The following RAB31 variants were observed in gnomAD, a reference collection of about 807,000 sequenced individuals.
The protein encoded by RAB31 is RAB31, member RAS oncogene family, also known as ras-related protein Rab-31.
Under a neutral mutation model 25.6 loss-of-function variants are expected in RAB31, and 21 were observed. That is an observed-to-expected ratio of 0.82 (90% CI 0.58 to 1.18). The LOEUF (loss-of-function observed/expected upper bound fraction) is 1.18, where lower values mean the gene tolerates loss of function less well. Ranked by LOEUF, RAB31 falls within the 50% of genes most tolerant of loss-of-function variation. The pLI, the probability that RAB31 is intolerant of heterozygous loss-of-function variation, is 0.00. For missense variants in RAB31, 196 were observed against 250.1 expected (o/e 0.78, Z 1.46); for synonymous variants, 87 against 84.0 (o/e 1.04, Z -0.20).
intron 5 of RAB31, among the ~76,000 whole-genome samples, chr18:9,823,459 A>G (rs2068633640): frequency 1.3e-5 from 2 of 152,128 alleles, no homozygotes; most frequent in South Asian, 2.1e-4. Flanking sequence ...ATCAATGACA[A>G]TGTCCTCTTT....
intron 2 of RAB31, among the ~76,000 whole-genome samples, chr18:9,788,451 G>A (rs1227857524): frequency 1.3e-5 from 2 of 152,208 alleles, no homozygotes; most frequent in Non-Finnish European, 2.9e-5. Context: ...GGTAAATTAA[G>A]CACTGTGTAC....
chr18:9,736,207 C>T (rs1295488210), intron 1 of RAB31, among the ~76,000 whole-genome samples: 1 of 152,166 alleles, frequency 6.6e-6, no homozygotes, highest in Non-Finnish European at 1.5e-5. Flanking sequence ...CTACTTGCCT[C>T]AAGTGATCCT....
At chr18:9,710,772 C>T (rs2068012557) in intron 1 of RAB31, among the ~76,000 whole-genome samples, 1 of 152,124 alleles carries the variant, frequency 6.6e-6, no homozygotes. Context: ...GCAGGAGAAT[C>T]GCTTGAGCCT....
At chr18:9,797,188 C>T (rs2068490558) in intron 3 of RAB31, among the ~76,000 whole-genome samples, 1 of 152,174 alleles carries the variant, frequency 6.6e-6, no homozygotes, top group Non-Finnish European at 1.5e-5. Flanking sequence ...TCTTGATATA[C>T]GTGTGTATTA....
rs1196697313 is a variant in RAB31, at chr18:9,812,220, T to G, written c.202-1800T>G. On this transcript the variant is annotated intron_variant, in intron 3 of 6. Coordinates refer to ENST00000578921, the MANE Select transcript of RAB31 (RefSeq NM_006868.4). ...CGTTGGGAGTTAGGGTTTCAATACA[T>G]GGATTTTAGGGGAGACACAAACATT... 2.0e-5 allele frequency among the ~76,000 whole-genome samples: 3 copies of G among 152,172 alleles called. No homozygotes were observed. In the South Asian group the frequency reaches 6.2e-4, roughly 32 times the overall value.
chr18:9,857,686 T>TAGATGATA (rs1555693032), intron 6 of RAB31, among the ~76,000 whole-genome samples: 6,739 of 113,114 alleles, frequency 0.06, 177 homozygotes, highest in Middle Eastern at 0.08. Context: ...GATAGATAGA[T>TAGATGATA]GATAGATAGA....
chr18:9,807,256 G>A (rs2068546550), intron 3 of RAB31, among the ~76,000 whole-genome samples: 1 of 152,176 alleles, frequency 6.6e-6, no homozygotes, highest in African/African-American at 2.4e-5. Flanking sequence ...CCTCCTCAGG[G>A]CTGTGCAGCG....
chr18:9,788,455 T>G (rs1190962912), intron 2 of RAB31, among the ~76,000 whole-genome samples: 1 of 152,228 alleles, frequency 6.6e-6, no homozygotes, highest in Admixed American at 6.5e-5. Flanking sequence ...AATTAAGCAC[T>G]GTGTACATTA....
intron 5 of RAB31, among the ~76,000 whole-genome samples, chr18:9,829,934 T>A (rs1329311564): frequency 6.6e-6 from 1 of 152,056 alleles, no homozygotes; most frequent in African/African-American, 2.4e-5. Context: ...TATCTCTATG[T>A]GTTGAAACTA....
intron 3 of RAB31, among the ~76,000 whole-genome samples, chr18:9,800,102 C>T (rs182320953): frequency 8.8e-4 from 134 of 152,336 alleles, no homozygotes; most frequent in Middle Eastern, 3.4e-3. Flanking sequence ...GGTAATTTAC[C>T]TGCCCAGCTC....
intron 1 of RAB31, among the ~76,000 whole-genome samples, chr18:9,739,523 G>C (rs1270983289): frequency 1.4e-5 from 2 of 143,058 alleles, no homozygotes; most frequent in East Asian, 4.1e-4. Flanking sequence ...TGAATTTACT[G>C]CTTAGGAAGA....
At chr18:9,718,457 C>G (rs1315560503) in intron 1 of RAB31, among the ~76,000 whole-genome samples, 1 of 151,850 alleles carries the variant, frequency 6.6e-6, no homozygotes, top group Non-Finnish European at 1.5e-5. Context: ...TGGGGTTTCA[C>G]TATGTTGGTC....
rs1271333659 is a variant in RAB31 at position 9,859,316 on chromosome 18, G to A, written c.579G>A (p.Arg193=). ...AGCCAACCATGCAAGCCAGCCGCCG[G>A]TGCTGTTGACCCAAGGGCCGTGGTC... ...VEKPTMQASR[R]CC is the part of the protein sequence containing the mutation. The change falls in exon 7 of 7, where the codon CGG becomes CGA. Residue 193 remains arginine, a synonymous_variant. Transcript: ENST00000578921. The A allele has an allele frequency of 2.5e-6, 4 of 1,612,234 alleles. No homozygotes were observed. The highest frequency in any genetic ancestry group is 2.5e-6 in the Non-Finnish European group (3 of 1,178,444).
At chr18:9,754,706 G>A (rs1429389569) in intron 1 of RAB31, among the ~76,000 whole-genome samples, 1 of 152,182 alleles carries the variant, frequency 6.6e-6, no homozygotes, top group African/African-American at 2.4e-5. Flanking sequence ...ATGTGCATGG[G>A]TTATATGCAA....
At chr18:9,768,417 A>G (rs948437787) in intron 1 of RAB31, among the ~76,000 whole-genome samples, 2 of 152,150 alleles carry the variant, frequency 1.3e-5, no homozygotes, top group African/African-American at 4.8e-5. Flanking sequence ...ATGGCATTTC[A>G]TTGTGGTTTT....
chr18:9,845,493 T>C, intron 5 of RAB31, 89 bp from the exon 6 acceptor site: 5 of 1,122,130 alleles, frequency 4.5e-6, no homozygotes, highest in South Asian at 1.8e-5. Context: ...ATAAAGGAGC[T>C]GTTGCCGCAC....
In RAB31 at chr18:9,750,332, C is replaced by T. The variant is rs556908388; in HGVS notation, c.40-24946C>T. 3.0e-4 allele frequency among the ~76,000 whole-genome samples: 45 copies of T among 152,320 alleles called. 1 individual carries two copies. The highest frequency in any genetic ancestry group is 1.4e-3 in the Admixed American group (22 of 15,306). On this transcript the variant is annotated intron_variant, in intron 1 of 6. Transcript: ENST00000578921. ...CAAAACAGCAGGATACTGCTGTCTGCGTCCCGGTTGACCCTGGCGTTCTTG... is the reference window on the plus strand; with the variant it reads ...CAAAACAGCAGGATACTGCTGTCTGTGTCCCGGTTGACCCTGGCGTTCTTG...
intron 3 of RAB31, among the ~76,000 whole-genome samples, chr18:9,793,681 ACGGATAGC>A (rs1219099218): frequency 6.6e-6 from 1 of 151,472 alleles, no homozygotes; most frequent in African/African-American, 2.4e-5. Context: ...AAAAGTTGAA[ACGGATAGC>A]CAGATAGCCA....
At chr18:9,730,254 A>C (rs1337068666) in intron 1 of RAB31, among the ~76,000 whole-genome samples, 3 of 151,208 alleles carry the variant, frequency 2.0e-5, no homozygotes, top group Admixed American at 2.0e-4. Context: ...TTAGTGTCTT[A>C]GTATTTTACA....
Sources: gnomAD v4.1 joint callset for allele counts (sites outside exome capture counted in the v4.1 genomes callset) on GRCh38, gnomAD v4.1.1 for gene constraint, MANE v1.5 for transcripts, NCBI Gene and HGNC (gene_info 2026-07-23, HGNC 2026-07-21) for gene names.